The following SORCS3 variants were observed in gnomAD, a reference collection of about 807,000 sequenced individuals.
SORCS3 encodes VPS10 domain-containing receptor SorCS3.
In SORCS3, 57 loss-of-function variants were observed where a neutral mutation model predicts 146.3. The ratio of observed to expected loss-of-function variants is 0.39; its 90% CI spans 0.31 to 0.49. The LOEUF is 0.49. Among genes scored for constraint, SORCS3 ranks in the 20% least tolerant of loss-of-function variants. SORCS3 has a pLI of 0.92. For synonymous variants in SORCS3, 653 were observed against 618.5 expected (o/e 1.06, Z -0.83); for missense variants, 1,341 against 1,575.5 (o/e 0.85, Z 2.52).
At chr10:105,176,584 G>A (rs953461909) in intron 13 of SORCS3, among the ~76,000 whole-genome samples, 1 of 151,860 alleles carries the variant, frequency 6.6e-6, no homozygotes, top group Admixed American at 6.6e-5. Context: ...GGCCAGGCAC[G>A]GTGGCTCATG....
intron 4 of SORCS3, among the ~76,000 whole-genome samples, chr10:105,029,527 G>A (rs2055250733): frequency 6.6e-6 from 1 of 152,198 alleles, no homozygotes. Flanking sequence ...CTGAGGCTGT[G>A]CTTTTTGCTG....
intron 13 of SORCS3, among the ~76,000 whole-genome samples, chr10:105,169,461 G>T (rs927063183): frequency 6.6e-6 from 1 of 152,066 alleles, no homozygotes; most frequent in Non-Finnish European, 1.5e-5. Flanking sequence ...GTCATCTCCT[G>T]CAGCAGGTGA....
In SORCS3 at chr10:105,223,244, A is replaced by G. The variant is rs1227860243; in HGVS notation, c.2863A>G (p.Thr955Ala). ...LTYFWWFGNS[T>A]KPLITLDSSI... ...CTATTTCTGGTGGTTCGGCAATAGC[A>G]CAAAGGTTTGGCCCTTTCTGATTGA... Residue 955 changes from threonine (T) to alanine (A), a missense_variant, in exon 20 of 27, where the codon ACA becomes GCA. Thr to Ala is a moderately conservative substitution (Grantham distance 58, BLOSUM62 0). Transcript: ENST00000369701. The G allele has an allele frequency of 6.2e-7, 1 of 1,611,088 alleles. No individual in the cohort carries two copies. The highest frequency in any genetic ancestry group is 8.5e-7 in the Non-Finnish European group (1 of 1,177,854).
chr10:104,849,305 G>A (rs551944149), intron 2 of SORCS3, among the ~76,000 whole-genome samples: 1 of 150,706 alleles, frequency 6.6e-6, no homozygotes, highest in East Asian at 2.0e-4. Context: ...CCAGCTACTC[G>A]GGAGGCTGAG....
intron 2 of SORCS3, among the ~76,000 whole-genome samples, chr10:104,848,350 C>A (rs528729379): frequency 4.2e-4 from 64 of 152,002 alleles, no homozygotes; most frequent in Non-Finnish European, 7.5e-4. Flanking sequence ...AAAATGGAGA[C>A]CTTTTGAATT....
intron 4 of SORCS3, among the ~76,000 whole-genome samples, chr10:105,027,571 G>GT (rs540247803): frequency 6.6e-6 from 1 of 151,868 alleles, no homozygotes; most frequent in African/African-American, 2.4e-5. Flanking sequence ...TACTCACCAT[G>GT]TTTTTTTTCA....
chr10:104,722,012 A>G (rs1345944110), intron 1 of SORCS3, among the ~76,000 whole-genome samples: 1 of 152,110 alleles, frequency 6.6e-6, no homozygotes, highest in Non-Finnish European at 1.5e-5. Flanking sequence ...TTCCAACACT[A>G]TGTTGAATAG....
intron 1 of SORCS3, among the ~76,000 whole-genome samples, chr10:104,712,691 G>A (rs1025242518): frequency 1.3e-5 from 2 of 152,208 alleles, no homozygotes; most frequent in Non-Finnish European, 2.9e-5. Context: ...TCCTCTTGCT[G>A]AGAAAATGCT....
chr10:104,930,743 G>C (rs17117996), intron 3 of SORCS3, among the ~76,000 whole-genome samples: 1 of 152,180 alleles, frequency 6.6e-6, no homozygotes, highest in Non-Finnish European at 1.5e-5. Context: ...TGGCCAAGAA[G>C]CTACTTTGTT....
intron 3 of SORCS3, among the ~76,000 whole-genome samples, chr10:104,933,021 G>A (rs191400798): frequency 1.1e-3 from 160 of 152,268 alleles, no homozygotes; most frequent in African/African-American, 3.8e-3. Flanking sequence ...ATGAGCCACT[G>A]TGCTGGCCCC....
At chr10:105,065,009 T>C (rs148179280) in intron 5 of SORCS3, among the ~76,000 whole-genome samples, 1 of 152,320 alleles carries the variant, frequency 6.6e-6, no homozygotes, top group African/African-American at 2.4e-5. Context: ...TAGTCAGATA[T>C]ATAAACATAC....
At chr10:105,023,519 G>T (rs2055209721) in intron 4 of SORCS3, among the ~76,000 whole-genome samples, 1 of 152,178 alleles carries the variant, frequency 6.6e-6, no homozygotes, top group Admixed American at 6.5e-5. Context: ...TGGATTGAGT[G>T]ATTGTTCTTG....
At chr10:105,093,848 A>G (rs1263939210) in intron 6 of SORCS3, among the ~76,000 whole-genome samples, 1 of 152,194 alleles carries the variant, frequency 6.6e-6, no homozygotes, top group Non-Finnish European at 1.5e-5. Context: ...AAAGTTATAC[A>G]CATCTTATAA....
chr10:105,214,333 G>C, intron 17 of SORCS3, 109 bp from the exon 18 acceptor site: 2 of 1,234,102 alleles, frequency 1.6e-6, no homozygotes, highest in Non-Finnish European at 2.3e-6. Flanking sequence ...TGAAGCACCT[G>C]TTTTGCTCTT....
At chr10:104,810,404 G>T (rs1793278052) in intron 1 of SORCS3, among the ~76,000 whole-genome samples, 1 of 152,082 alleles carries the variant, frequency 6.6e-6, no homozygotes, top group Admixed American at 6.5e-5. Context: ...TTAAACACTT[G>T]TTAATGGTAT....
intron 6 of SORCS3, among the ~76,000 whole-genome samples, chr10:105,093,300 C>T (rs572776982): frequency 1.2e-4 from 19 of 152,196 alleles, no homozygotes; most frequent in African/African-American, 4.6e-4. Context: ...AAATATAAAA[C>T]ATAGATTTAT....
chr10:105,128,119 T>C (rs1162404355), intron 7 of SORCS3, among the ~76,000 whole-genome samples: 1 of 152,150 alleles, frequency 6.6e-6, no homozygotes. Context: ...CATGGGGTCA[T>C]TGTGTGCAAG....
chr10:105,195,131 T>G (rs1201546574), intron 14 of SORCS3, among the ~76,000 whole-genome samples: 1 of 152,206 alleles, frequency 6.6e-6, no homozygotes, highest in Non-Finnish European at 1.5e-5. Context: ...CCTAGCTATC[T>G]CTTGGGCTTT....
At chr10:104,730,883 G>A (rs2016698683) in intron 1 of SORCS3, among the ~76,000 whole-genome samples, 1 of 152,184 alleles carries the variant, frequency 6.6e-6, no homozygotes, top group Non-Finnish European at 1.5e-5. Flanking sequence ...ATCTCCACCT[G>A]GTCCTGCCCT....
Sources: gnomAD v4.1 joint callset for allele counts (sites outside exome capture counted in the v4.1 genomes callset) on GRCh38, gnomAD v4.1.1 for gene constraint, MANE v1.5 for transcripts, NCBI Gene and HGNC (gene_info 2026-07-23, HGNC 2026-07-21) for gene names.